Variants in IL31RA observed in about 807,000 individuals in gnomAD.
The protein encoded by IL31RA is interleukin-31 receptor subunit alpha.
In IL31RA, 66 loss-of-function variants were observed where a neutral mutation model predicts 83.7. The ratio of observed to expected loss-of-function variants is 0.79; its 90% confidence interval spans 0.65 to 0.97. The LOEUF (loss-of-function observed/expected upper bound fraction) is 0.97, where lower values mean the gene tolerates loss of function less well. IL31RA is among the 50% of genes least tolerant of loss of function. The probability of loss-of-function intolerance (pLI) is 0.00; values close to 1 mark genes in which losing one functional copy is unlikely to be tolerated. For missense variants in IL31RA, 798 were observed against 919.4 expected, an observed-to-expected ratio of 0.87 and a Z score of 1.71; for synonymous variants, 325 against 329.0, an observed-to-expected ratio of 0.99 and a Z score of 0.13.
Position 55,882,932 on chromosome 5 carries a change from TC to T in IL31RA, c.455-110del, listed in dbSNP as rs1171722632. On this transcript the variant is annotated intron_variant, in intron 4 of 14. Transcript: ENST00000652347. ...ACTGCCTTGCAAATGCCATCTTCGT[TC>T]CATATAGCAGACCACAATGCACGTA... 14 of 987,666 alleles carry T rather than the reference TC, an allele frequency of 1.4e-5. No individual in the cohort carries two copies. In the Admixed American group the frequency reaches 2.5e-4, roughly 18 times the overall value. The allele number at this position is 987,666 out of a possible 1,614,324, so 61.2% of individuals were successfully genotyped here.
Position 55,872,000 on chromosome 5 carries a change from G to A in IL31RA, c.273-270G>A, listed in dbSNP as rs1367607444. Among the ~76,000 whole-genome samples the A allele has an allele frequency of 2.6e-5, 4 of 152,108 alleles. No homozygotes were observed. In the South Asian group the frequency reaches 6.3e-4, roughly 24 times the overall value. The stretch of plus-strand genomic sequence containing the variant: ...TAGCTTTTCATGCTATATAGGACAT[G>A]CATTGCAACTATAGCTTTTCATGAC... On this transcript the variant is annotated intron_variant, in intron 3 of 14. Transcript: ENST00000652347.
At chr5:55,914,974 A>G in intron 14 of IL31RA, 46 bp downstream of exon 14, 1 of 1,404,064 alleles carries the variant, frequency 7.1e-7, no homozygotes, top group Non-Finnish European at 1.0e-6. Flanking sequence ...CGTGGGAGGT[A>G]GACGAGGTGA....
At chr5:55,865,574 C>A (rs1321383409) in intron 2 of IL31RA, among the ~76,000 whole-genome samples, 1 of 152,186 alleles carries the variant, frequency 6.6e-6, no homozygotes, top group East Asian at 1.9e-4. Context: ...GCTACCCATT[C>A]TGGAACCCCT....
intron 1 of IL31RA, among the ~76,000 whole-genome samples, chr5:55,854,171 G>A (rs186350497): frequency 6.6e-6 from 1 of 152,144 alleles, no homozygotes; most frequent in Admixed American, 6.5e-5. Flanking sequence ...GTTCCAACAT[G>A]ATAGTGCTTT....
Position 55,896,347 on chromosome 5 carries a change from C to T in IL31RA, c.773-3C>T. 1 of 1,608,602 alleles carries T rather than the reference C, an allele frequency of 6.2e-7. No homozygotes were observed. Among genetic ancestry groups the T allele is most frequent in the East Asian group, 2.2e-5 (1 of 44,864 alleles). On this transcript the variant is annotated splice_region_variant and splice_polypyrimidine_tract_variant and intron_variant, in intron 6 of 14. Transcript: ENST00000652347. Reference sequence around the variant, plus strand: ...TTGAGTACCTCATTCTTGTTCCTTACAGCTCCATGTGGCCTGGAACTGTGG... The same window carrying T: ...TTGAGTACCTCATTCTTGTTCCTTATAGCTCCATGTGGCCTGGAACTGTGG...
chr5:55,862,387 G>A (rs930436225), intron 2 of IL31RA, among the ~76,000 whole-genome samples: 1 of 152,050 alleles, frequency 6.6e-6, no homozygotes, highest in African/African-American at 2.4e-5. Context: ...TTCCATGAAT[G>A]ACTTCTTTCT....
rs1745077586 is a variant in IL31RA, at chr5:55,851,631, A to G, written c.61A>G (p.Ile21Val). The G allele has an allele frequency of 8.1e-6, 13 of 1,613,710 alleles. No homozygotes were observed. The highest frequency in any genetic ancestry group is 4.0e-5 in the African/African-American group (3 of 74,892). Residue 21 changes from isoleucine (I) to valine (V), a missense_variant and splice_region_variant, in exon 1 of 15, where the codon ATT (isoleucine) becomes GTT (valine). Ile to Val is a conservative substitution (Grantham distance 29, BLOSUM62 3). Coordinates refer to ENST00000652347, the MANE Select transcript of IL31RA (RefSeq NM_139017.7). ...TACVCECPQN[I>V]LSPQPSCVNL... ...ATGTGTCTGTGAATGTCCGCAAAAC[A>G]TTGTGAGTATTGATTTGGGGGGTTA...
chr5:55,849,648 T>C (rs1745007817), upstream of IL31RA, among the ~76,000 whole-genome samples: 1 of 152,244 alleles, frequency 6.6e-6, no homozygotes, highest in Non-Finnish European at 1.5e-5. Context: ...GTCAGATCCA[T>C]TGGGTCCCCT....
rs1748966868 is a variant in IL31RA, at chr5:55,903,771, C to CCAGGA, written c.1070-2330_1070-2326dup. ...GAGATGAGGAAGCTGCAGAAGCAGGCCAGGACAGGGCAGAGGCTGAGATGA... is the reference window on the plus strand; with the variant it reads ...GAGATGAGGAAGCTGCAGAAGCAGGCCAGGACAGGACAGGGCAGAGGCTGAGATGA... On this transcript the variant is annotated intron_variant, in intron 8 of 14. Transcript: ENST00000652347. This position sits in a 1 kb window ranked among gnomAD's most constrained non-coding sequence, Gnocchi z 4.7. Among the ~76,000 whole-genome samples, 1 of 152,158 alleles carries CCAGGA rather than the reference C, an allele frequency of 6.6e-6. No homozygotes were observed.
At chr5:55,873,964 C>G (rs962015925) in intron 4 of IL31RA, among the ~76,000 whole-genome samples, 1 of 152,012 alleles carries the variant, frequency 6.6e-6, no homozygotes, top group Middle Eastern at 3.2e-3. Context: ...CATTGCCTAA[C>G]CTGAGGTCAG....
intron 7 of IL31RA, among the ~76,000 whole-genome samples, chr5:55,898,098 A>G (rs1748540477): frequency 6.6e-6 from 1 of 152,248 alleles, no homozygotes; most frequent in Non-Finnish European, 1.5e-5. Flanking sequence ...AATCAATCCC[A>G]GATGCTGTGC....
chr5:55,852,970 C>A (rs1490638222), intron 1 of IL31RA, among the ~76,000 whole-genome samples: 1 of 152,220 alleles, frequency 6.6e-6, no homozygotes, highest in African/African-American at 2.4e-5. Context: ...ACAGTAAGAG[C>A]TCCACAAATT....
At chr5:55,908,219 TGGAGTGC>T (rs1561120985) in intron 10 of IL31RA, 39 bp from the exon 11 acceptor site, 3 of 1,612,250 alleles carry the variant, frequency 1.9e-6, no homozygotes, top group Non-Finnish European at 1.7e-6. Context: ...AACGATCTCC[TGGAGTGC>T]GGTTCAGTGA....
chr5:55,878,421 AT>A (rs1746990915), intron 4 of IL31RA, among the ~76,000 whole-genome samples: 1 of 152,062 alleles, frequency 6.6e-6, no homozygotes, highest in African/African-American at 2.4e-5. Context: ...ATGCCTTGCA[AT>A]TTTTGTTGTT....
intron 2 of IL31RA, among the ~76,000 whole-genome samples, chr5:55,865,762 G>A (rs1482180539): frequency 3.3e-5 from 5 of 152,198 alleles, no homozygotes; most frequent in Non-Finnish European, 7.3e-5. Context: ...GGTGTGGGTA[G>A]CACTTAAATT....
chr5:55,868,839 A>C lies in IL31RA; in HGVS notation c.203A>C (p.Lys68Thr). ...ATTTCCTGTGTCTACTACTATAGGA[A>C]AAATTTAACCTGCACTTGGAGTCCA... ...ENISCVYYYR[K>T]NLTCTWSPGK... Residue 68 changes from lysine (K) to threonine (T), a missense_variant, in exon 3 of 15, where the codon AAA (lysine) becomes ACA (threonine). Coordinates refer to ENST00000652347, the MANE Select transcript of IL31RA (RefSeq NM_139017.7). The C allele has an allele frequency of 1.2e-6, 2 of 1,611,632 alleles. No individual in the cohort carries two copies. Among genetic ancestry groups the C allele is most frequent in the East Asian group, 2.2e-5 (1 of 44,880 alleles).
chr5:55,884,777 C>T (rs1352925629), intron 5 of IL31RA, among the ~76,000 whole-genome samples: 1 of 152,146 alleles, frequency 6.6e-6, no homozygotes. Flanking sequence ...CTTTTTACCT[C>T]CTGAAGACTT....
intron 8 of IL31RA, among the ~76,000 whole-genome samples, chr5:55,901,640 AG>A (rs1319765703): frequency 6.7e-6 from 1 of 149,804 alleles, no homozygotes; most frequent in Non-Finnish European, 1.5e-5. Flanking sequence ...TTTGAGATGG[AG>A]TTTCGCTCTT....
chr5:55,921,382 C>A lies in IL31RA; in HGVS notation c.*4262C>A, dbSNP rs1031660136. 1.3e-5 allele frequency among the ~76,000 whole-genome samples: 2 copies of A among 152,200 alleles called. No homozygotes were observed. The highest frequency in any genetic ancestry group is 3.2e-3 in the Middle Eastern group (1 of 316). On this transcript the variant is annotated 3_prime_UTR_variant, in exon 15 of 15. Coordinates refer to ENST00000652347, the MANE Select transcript of IL31RA (RefSeq NM_139017.7). ...CATCCATGAAAAACCCCATGGCGGG[C>A]CTGCATGGTGTGGTTTGCTAAGGCA... is the stretch of plus-strand genomic sequence containing the variant.
Sources: allele counts gnomAD v4.1 joint callset (sites outside exome capture counted in the v4.1 genomes callset), GRCh38; gene constraint gnomAD v4.1.1; non-coding constraint Gnocchi (gnomAD v3.1); transcripts MANE v1.5; gene names NCBI Gene and HGNC (gene_info 2026-07-23, HGNC 2026-07-21).